ARHGAP20: variants seen among roughly 807,000 people sequenced by gnomAD.
ARHGAP20 encodes the protein Rho GTPase activating protein 20.
Under a neutral mutation model 73.7 loss-of-function variants are expected in ARHGAP20, and 34 were observed. The ratio of observed to expected loss-of-function variants is 0.46; its 90% CI spans 0.35 to 0.61. ARHGAP20 has a LOEUF of 0.61. Among genes scored for constraint, ARHGAP20 ranks in the 20% least tolerant of loss-of-function variants. ARHGAP20 has a pLI of 0.00. For synonymous variants in ARHGAP20, 523 were observed against 518.2 expected (o/e 1.01, Z -0.13); for missense variants, 1,314 against 1,420.9 (o/e 0.92, Z 1.21).
chr11:110,676,302 C>T (rs758941379), intron 2 of ARHGAP20, among the ~76,000 whole-genome samples: 2 of 152,098 alleles, frequency 1.3e-5, no homozygotes, highest in Non-Finnish European at 2.9e-5. Context: ...TCTCATGTTG[C>T]TAATAAAGAC....
At chr11:110,638,465 G>A (rs1041205639) in intron 2 of ARHGAP20, among the ~76,000 whole-genome samples, 5 of 152,012 alleles carry the variant, frequency 3.3e-5, no homozygotes, top group Admixed American at 3.3e-4. Context: ...AGACCATTAG[G>A]AAGTTACGGC....
At chr11:110,674,673 C>T (rs1397196647) in intron 2 of ARHGAP20, among the ~76,000 whole-genome samples, 1 of 152,082 alleles carries the variant, frequency 6.6e-6, no homozygotes, top group Non-Finnish European at 1.5e-5. Flanking sequence ...AAATAAAAAT[C>T]TGACATCTGA....
chr11:110,589,343 G>A, intron 11 of ARHGAP20: 5 of 955,788 alleles, frequency 5.2e-6, no homozygotes, highest in Non-Finnish European at 6.2e-6. Flanking sequence ...TTTATAGCAG[G>A]GTTTAAGAGC....
chr11:110,618,241 G>A (rs1232094852), intron 4 of ARHGAP20, among the ~76,000 whole-genome samples: 1 of 152,148 alleles, frequency 6.6e-6, no homozygotes, highest in Non-Finnish European at 1.5e-5. Context: ...GAAGTCTCCT[G>A]TATTCTAGTT....
intron 2 of ARHGAP20, among the ~76,000 whole-genome samples, chr11:110,684,675 T>C (rs1565476320): frequency 6.6e-6 from 1 of 152,116 alleles, no homozygotes. Flanking sequence ...TAAGTGTCTA[T>C]CAACAGTGGA....
chr11:110,578,404 A>T lies in ARHGAP20; in HGVS notation c.*966T>A. 3 of 985,450 alleles carry T rather than the reference A, an allele frequency of 3.0e-6. No individual in the cohort carries two copies. Among genetic ancestry groups the T allele is most frequent in the Non-Finnish European group, 3.6e-6 (3 of 829,938 alleles). 61.0% of individuals were successfully genotyped at this position (985,450 alleles called of 1,614,324 possible). ...TAAGTATGTTTTTCTGGCTGACTGT[A>T]ATCTAAGAGGCAGGACTGTGCAGAA... On this transcript the variant is annotated 3_prime_UTR_variant, in exon 15 of 15. Transcript: ENST00000683387.
At chr11:110,611,207 A>G (rs1470036629) in intron 7 of ARHGAP20, 102 bp downstream of exon 7, 2 of 641,004 alleles carry the variant, frequency 3.1e-6, no homozygotes, top group Non-Finnish European at 5.1e-6. Flanking sequence ...TGACTTTGGT[A>G]TCTCTAATAA....
chr11:110,602,624 G>T (rs1948137070), intron 9 of ARHGAP20, among the ~76,000 whole-genome samples: 1 of 152,186 alleles, frequency 6.6e-6, no homozygotes, highest in Admixed American at 6.5e-5. Context: ...CTGTGTGCTT[G>T]CAGTAGATTA....
intron 2 of ARHGAP20, among the ~76,000 whole-genome samples, chr11:110,631,997 T>A (rs1948869881): frequency 6.6e-6 from 1 of 152,232 alleles, no homozygotes; most frequent in Non-Finnish European, 1.5e-5. Context: ...ATTTTTGGAA[T>A]TCATTCATGT....
Position 110,680,582 on chromosome 11 carries a change from G to C in ARHGAP20, c.188+9965C>G, listed in dbSNP as rs372245465. ...GTGCTTTCCTGGTGCCAAAATGAAAGATACAATTGAATCATAACTGCAATT... is the reference window on the plus strand; with the variant it reads ...GTGCTTTCCTGGTGCCAAAATGAAACATACAATTGAATCATAACTGCAATT... On this transcript the variant is annotated intron_variant, in intron 2 of 14. Transcript: ENST00000683387. 4.9e-4 allele frequency among the ~76,000 whole-genome samples: 75 copies of C among 152,120 alleles called. No homozygotes were observed. The Middle Eastern group carries it at 0.01, about 21-fold the overall frequency.
intron 11 of ARHGAP20, among the ~76,000 whole-genome samples, chr11:110,590,251 A>C (rs555852878): frequency 6.6e-6 from 1 of 152,308 alleles, no homozygotes; most frequent in South Asian, 2.1e-4. Context: ...CTGTTTTCAA[A>C]TGTCTAATGT....
intron 2 of ARHGAP20, among the ~76,000 whole-genome samples, chr11:110,666,010 C>T (rs143603600): frequency 1.3e-4 from 19 of 151,704 alleles, no homozygotes; most frequent in South Asian, 1.0e-3. Context: ...TATGCGTGTC[C>T]GTAGACACAC....
At chr11:110,662,600 T>C (rs1244890889) in intron 2 of ARHGAP20, among the ~76,000 whole-genome samples, 1 of 151,970 alleles carries the variant, frequency 6.6e-6, no homozygotes, top group Non-Finnish European at 1.5e-5. Flanking sequence ...AATTATGTGA[T>C]ATTTTAATTC....
intron 2 of ARHGAP20, among the ~76,000 whole-genome samples, chr11:110,663,356 A>G (rs1330434924): frequency 2.0e-5 from 3 of 149,740 alleles, no homozygotes; most frequent in Non-Finnish European, 4.4e-5. Context: ...ACTAATATAT[A>G]CAATATACTA....
Position 110,656,072 on chromosome 11 carries a change from C to A in ARHGAP20, c.189-25280G>T, listed in dbSNP as rs935763678. On this transcript the variant is annotated intron_variant, in intron 2 of 14. Coordinates refer to ENST00000683387, the MANE Select transcript of ARHGAP20 (RefSeq NM_001384657.1). ...AAAAGCAGGGGCCTTAGTGTGTTGT[C>A]TGGGATGCTAGAGAGTTTTTCTCAC... Among the ~76,000 whole-genome samples the A allele has an allele frequency of 2.0e-5, 3 of 152,150 alleles. No homozygotes were observed. In the South Asian group the frequency reaches 6.2e-4, roughly 32 times the overall value.
chr11:110,703,173 C>T (rs1464155811), intron 1 of ARHGAP20, among the ~76,000 whole-genome samples: 2 of 152,016 alleles, frequency 1.3e-5, no homozygotes, highest in East Asian at 3.8e-4. Flanking sequence ...CCAACCAGGA[C>T]CACTTTAAAC....
At chr11:110,650,431 G>C (rs1949324261) in intron 2 of ARHGAP20, among the ~76,000 whole-genome samples, 2 of 152,112 alleles carry the variant, frequency 1.3e-5, no homozygotes, top group African/African-American at 4.8e-5. Context: ...GTGGGGATGG[G>C]AAAGGGAGGT....
intron 4 of ARHGAP20, among the ~76,000 whole-genome samples, chr11:110,620,950 T>G (rs1336714473): frequency 6.6e-6 from 1 of 151,804 alleles, no homozygotes; most frequent in Non-Finnish European, 1.5e-5. Context: ...GGTGTGCACC[T>G]GTAATCCCAG....
intron 2 of ARHGAP20, among the ~76,000 whole-genome samples, chr11:110,672,868 A>C (rs1458262290): frequency 6.6e-6 from 1 of 152,176 alleles, no homozygotes; most frequent in Admixed American, 6.5e-5. Context: ...TAGTAATTCA[A>C]CTCTTAAGAT....
Sources: gnomAD v4.1 joint callset for allele counts (sites outside exome capture counted in the v4.1 genomes callset) on GRCh38, gnomAD v4.1.1 for gene constraint, MANE v1.5 for transcripts, NCBI Gene and HGNC (gene_info 2026-07-23, HGNC 2026-07-21) for gene names.